The following LRP5 variants were observed in gnomAD, a reference collection of about 807,000 sequenced individuals.
The protein encoded by LRP5 is LDL receptor related protein 5.
Under a neutral mutation model 154.1 loss-of-function variants are expected in LRP5, and 62 were observed. The observed-to-expected ratio is 0.40, with a 90% confidence interval of 0.33 to 0.50. LRP5 has a LOEUF of 0.50. Ranked by LOEUF, LRP5 falls within the 20% of genes least tolerant of loss-of-function variation. LRP5 has a pLI of 0.55. For missense variants in LRP5, 1,915 were observed against 2,336.7 expected, an observed-to-expected ratio of 0.82 and a Z score of 3.72; for synonymous variants, 966 against 1,011.5, an observed-to-expected ratio of 0.96 and a Z score of 0.85.
chr11:68,375,264 C>A (rs890462718), intron 5 of LRP5, among the ~76,000 whole-genome samples: 1 of 152,204 alleles, frequency 6.6e-6, no homozygotes, highest in African/African-American at 2.4e-5. Context: ...ATAGAAGACA[C>A]GGCCCCTGGG....
intron 13 of LRP5, among the ~76,000 whole-genome samples, chr11:68,420,689 G>A (rs1049538548): frequency 2.6e-5 from 4 of 151,570 alleles, no homozygotes; most frequent in Non-Finnish European, 2.9e-5. Flanking sequence ...GGGTAACAGA[G>A]TGAGACTTCC....
At chr11:68,415,746 C>CAAATGAAT (rs61582735) in intron 12 of LRP5, among the ~76,000 whole-genome samples, 6,522 of 68,766 alleles carry the variant, frequency 0.095, 2,204 homozygotes, top group African/African-American at 0.21. Flanking sequence ...AACTCCATCT[C>CAAATGAAT]GAATGAATGA....
chr11:68,336,030 A>G (rs542341082), intron 1 of LRP5, among the ~76,000 whole-genome samples: 56 of 152,180 alleles, frequency 3.7e-4, no homozygotes, highest in Non-Finnish European at 7.5e-4. Flanking sequence ...GTACGTGTAT[A>G]TCCTACCTCC....
intron 9 of LRP5, among the ~76,000 whole-genome samples, chr11:68,409,071 A>ATATATATATATATAT (rs1324458424): frequency 5.7e-5 from 3 of 52,618 alleles, no homozygotes; most frequent in African/African-American, 3.1e-4. Flanking sequence ...AAAAAAAAAA[A>ATATATATATATATAT]AAATATATAT....
intron 2 of LRP5, among the ~76,000 whole-genome samples, chr11:68,354,102 A>AACCC (rs1591214091): frequency 6.6e-6 from 1 of 152,332 alleles, no homozygotes; most frequent in East Asian, 1.9e-4. Context: ...GCCAGGGTGA[A>AACCC]ACCCAACCCC....
At chr11:68,391,150 G>A (rs1231834333) in intron 7 of LRP5, among the ~76,000 whole-genome samples, 1 of 152,170 alleles carries the variant, frequency 6.6e-6, no homozygotes, top group Non-Finnish European at 1.5e-5. Context: ...TGTATTTTTA[G>A]TAGACAGGGG....
At chr11:68,371,318 T>C (rs1482907843) in intron 5 of LRP5, among the ~76,000 whole-genome samples, 1 of 152,174 alleles carries the variant, frequency 6.6e-6, no homozygotes, top group African/African-American at 2.4e-5. Flanking sequence ...GCTTTGTCCT[T>C]AAGGAAGTCA....
intron 9 of LRP5, 138 bp downstream of exon 9, chr11:68,406,951 G>A: frequency 3.7e-6 from 3 of 809,896 alleles, no homozygotes; most frequent in South Asian, 1.7e-5. Context: ...TCAAATATGA[G>A]CAAGCCTATT....
At chr11:68,322,503 G>GCCGTGCCGCCCTGAGCAGA in intron 1 of LRP5, among the ~76,000 whole-genome samples, 1 of 152,370 alleles carries the variant, frequency 6.6e-6, no homozygotes, top group East Asian at 1.9e-4. Flanking sequence ...GGCCTGGCAG[G>GCCGTGCCGCCCTGAGCAGA]CCGTGCCGCC....
intron 7 of LRP5, among the ~76,000 whole-genome samples, chr11:68,401,270 C>T (rs1028821312): frequency 6.6e-6 from 1 of 152,116 alleles, no homozygotes; most frequent in Non-Finnish European, 1.5e-5. Flanking sequence ...GTGAAGAACC[C>T]TAGATGATTT....
chr11:68,320,075 C>G (rs1396722483), intron 1 of LRP5, among the ~76,000 whole-genome samples: 2 of 152,276 alleles, frequency 1.3e-5, no homozygotes, highest in South Asian at 4.1e-4. Context: ...GTGGGAAAAT[C>G]TATTGAGCTC....
At position 68,418,746 on chromosome 11, in the gene LRP5, C is replaced by G. The variant is rs548927494; in HGVS notation, c.3027+2219C>G. 3.9e-5 allele frequency among the ~76,000 whole-genome samples: 6 copies of G among 152,304 alleles called. No individual in the cohort carries two copies. The South Asian group carries it at 1.0e-3, about 26-fold the overall frequency. On this transcript the variant is annotated intron_variant, in intron 13 of 22. Transcript: ENST00000294304. ...ATGCCTGGCTCCCTGGAGCTTCTCTCCTGGGCAGCTGTGATCATTGCCTCT... is the reference window on the plus strand; with the variant it reads ...ATGCCTGGCTCCCTGGAGCTTCTCTGCTGGGCAGCTGTGATCATTGCCTCT...
At chr11:68,374,912 G>C (rs2098636509) in intron 5 of LRP5, among the ~76,000 whole-genome samples, 1 of 152,238 alleles carries the variant, frequency 6.6e-6, no homozygotes, top group Non-Finnish European at 1.5e-5. Context: ...GGTGAATGCT[G>C]TGGGCGCCTT....
rs1423628192 is a variant in LRP5, at chr11:68,313,228, G to GGCCGCCCC, written c.91+426_91+433dup. 9.9e-5 allele frequency among the ~76,000 whole-genome samples: 15 copies of GGCCGCCCC among 151,662 alleles called. 2 individuals are homozygous for GGCCGCCCC. The highest frequency in any genetic ancestry group is 9.2e-4 in the Admixed American group (14 of 15,276). On this transcript the variant is annotated intron_variant, in intron 1 of 22. Transcript: ENST00000294304. ...GCAAGCCTGTTTCCAGCGGCCGCGC[G>GGCCGCCCC]GCCGCCCCGCGTGCTCCGAGGACGG...
chr11:68,342,100 A>G (rs1295530120), intron 1 of LRP5, among the ~76,000 whole-genome samples: 1 of 150,324 alleles, frequency 6.7e-6, no homozygotes, highest in Non-Finnish European at 1.5e-5. Flanking sequence ...CTTTAAAAGA[A>G]GTTTTTGTAG....
chr11:68,391,012 G>T (rs1167316987), intron 7 of LRP5, among the ~76,000 whole-genome samples: 2 of 152,208 alleles, frequency 1.3e-5, no homozygotes, highest in Admixed American at 1.3e-4. Context: ...TTGTTGCCCA[G>T]GCTGGAGTGC....
At chr11:68,414,784 C>G (rs1014607867) in intron 12 of LRP5, among the ~76,000 whole-genome samples, 1 of 152,188 alleles carries the variant, frequency 6.6e-6, no homozygotes, top group African/African-American at 2.4e-5. Flanking sequence ...CTTGCCTGTC[C>G]CAGCTGCATG....
chr11:68,360,735 C>G (rs548695719), intron 3 of LRP5, among the ~76,000 whole-genome samples: 1 of 152,310 alleles, frequency 6.6e-6, no homozygotes, highest in East Asian at 1.9e-4. Context: ...CCATGGCTTA[C>G]GCGTGTAATC....
At chr11:68,346,026 C>T (rs931732506) in intron 1 of LRP5, among the ~76,000 whole-genome samples, 1 of 152,088 alleles carries the variant, frequency 6.6e-6, no homozygotes, top group Non-Finnish European at 1.5e-5. Flanking sequence ...TAGTTGTTTT[C>T]TCATTGTTGA....
Sources: allele counts gnomAD v4.1 joint callset (sites outside exome capture counted in the v4.1 genomes callset), GRCh38; gene constraint gnomAD v4.1.1; transcripts MANE v1.5; gene names NCBI Gene and HGNC (gene_info 2026-07-23, HGNC 2026-07-21).